The following COL1A2 variants were observed in gnomAD, a reference collection of about 807,000 sequenced individuals.
The protein encoded by COL1A2 is collagen type I alpha 2 chain.
COL1A2 carries 49 observed loss-of-function variants against 174.3 expected under a neutral mutation model. The observed-to-expected ratio is 0.28, with a 90% CI of 0.22 to 0.36. COL1A2 has a LOEUF of 0.36. Ranked by LOEUF, COL1A2 falls within the 10% of genes least tolerant of loss-of-function variation. The pLI, the probability that COL1A2 is intolerant of heterozygous loss-of-function variation, is 1.00. For missense variants in COL1A2, 1,438 were observed against 1,822.7 expected, an observed-to-expected ratio of 0.79 and a Z score of 3.84; for synonymous variants, 655 against 606.6, an observed-to-expected ratio of 1.08 and a Z score of -1.17.
chr7:94,397,556 C>A (rs1333910236), intron 1 of COL1A2, among the ~76,000 whole-genome samples, 192 bp from the exon 2 acceptor site: 3 of 151,876 alleles, frequency 2.0e-5, no homozygotes, highest in African/African-American at 7.2e-5. Flanking sequence ...AAACAAATCA[C>A]CCTGCTGATC....
At chr7:94,408,927 A>T (rs1238266915) in intron 16 of COL1A2, 104 bp downstream of exon 16, 2 of 1,077,602 alleles carry the variant, frequency 1.9e-6, no homozygotes, top group Non-Finnish European at 1.4e-6. Context: ...CGAAACAGTT[A>T]CCTTAATTAT....
At chr7:94,401,518 C>T (rs1400997968) in intron 5 of COL1A2, 49 bp from the exon 6 acceptor site, 1 of 916,980 alleles carries the variant, frequency 1.1e-6, no homozygotes, top group African/African-American at 1.8e-5. Context: ...TGACTAGTAA[C>T]TAAAAATATT....
At chr7:94,415,449 G>A (rs1376964576) in intron 30 of COL1A2, among the ~76,000 whole-genome samples, 179 bp downstream of exon 30, 1 of 152,010 alleles carries the variant, frequency 6.6e-6, no homozygotes, top group African/African-American at 2.4e-5. Context: ...TTGTTTCATT[G>A]CTCATATTTC....
intron 28 of COL1A2, 91 bp from the exon 29 acceptor site, chr7:94,414,131 T>C (rs1250635301): frequency 1.4e-6 from 2 of 1,416,310 alleles, no homozygotes; most frequent in African/African-American, 1.4e-5. Context: ...CTCATGTTGA[T>C]ATTTGGTAGC....
chr7:94,406,888 C>G (rs1032493906), intron 12 of COL1A2, among the ~76,000 whole-genome samples: 2 of 152,120 alleles, frequency 1.3e-5, no homozygotes, highest in Non-Finnish European at 2.9e-5. Context: ...TGAATACCAA[C>G]GTAATTACAA....
intron 32 of COL1A2, among the ~76,000 whole-genome samples, chr7:94,418,275 A>G (rs951626489): frequency 2.6e-5 from 4 of 152,194 alleles, no homozygotes; most frequent in African/African-American, 9.7e-5. Context: ...GAAATTAGAA[A>G]AGATTGTTTA....
intron 15 of COL1A2, 75 bp from the exon 16 acceptor site, chr7:94,408,695 C>T (rs2115889877): frequency 6.6e-7 from 1 of 1,515,638 alleles, no homozygotes. Flanking sequence ...TAAGCAACTT[C>T]AATCTTCTGC....
chr7:94,420,258 C>G lies in COL1A2; in HGVS notation c.2105C>G (p.Ala702Gly). Residue 702 changes from alanine (A) to glycine (G), a missense_variant, in exon 35 of 52, where the codon GCT (alanine) becomes GGT (glycine). Transcript: ENST00000297268. ...GGCGAAGCTGGGGCTGCTGGTCCTG[C>G]TGGTCCTGCTGGTCCTCGGGGAAGC... ...DRGEAGAAGP[A>G]GPAGPRGSPG... is the part of the protein sequence containing the mutation. The G allele has an allele frequency of 6.2e-7, 1 of 1,613,800 alleles. No homozygotes were observed. Among genetic ancestry groups the G allele is most frequent in the Non-Finnish European group, 8.5e-7 (1 of 1,180,034 alleles).
At chr7:94,409,235 G>A in intron 16 of COL1A2, 87 bp from the exon 17 acceptor site, 2 of 1,163,406 alleles carry the variant, frequency 1.7e-6, no homozygotes, top group Non-Finnish European at 2.6e-6. Context: ...GTTTTATGAA[G>A]ACATTTCATA....
chr7:94,418,421 A>C, intron 32 of COL1A2, 78 bp from the exon 33 acceptor site: 1 of 1,281,884 alleles, frequency 7.8e-7, no homozygotes, highest in Non-Finnish European at 1.1e-6. Context: ...TTCTGTAAAA[A>C]AGAAAAAAAC....
rs561107972 is a variant in COL1A2, at chr7:94,420,111, G to A, written c.2080-122G>A. ...CTTCATTTTACTCTGTGAGATGTGC[G>A]TCAGTTATCTCTTCCAAGGCAACTA... On this transcript the variant is annotated intron_variant, in intron 34 of 51. Coordinates refer to ENST00000297268, the MANE Select transcript of COL1A2 (RefSeq NM_000089.4). 9.8e-5 allele frequency: 122 copies of A among 1,245,666 alleles called. 1 individual carries two copies. The highest frequency in any genetic ancestry group is 2.9e-4 in the South Asian group (24 of 83,454). 77.2% of individuals were successfully genotyped at this position (1,245,666 alleles called of 1,614,324 possible).
rs1792333471 is a variant in COL1A2 at position 94,428,463 on chromosome 7, A to G, written c.3697A>G (p.Asn1233Asp). 1 of 1,613,788 alleles carries G rather than the reference A, an allele frequency of 6.2e-7. No homozygotes were observed. Among genetic ancestry groups the G allele is most frequent in the African/African-American group, 1.3e-5 (1 of 74,928 alleles). Residue 1233 changes from asparagine to aspartate, a missense_variant, in exon 50 of 52, where the codon AAT becomes GAT. This residue lies in a region of COL1A2 where 290 missense variants were observed against 298.1 expected (regional missense o/e 0.97). Coordinates refer to ENST00000297268, the MANE Select transcript of COL1A2 (RefSeq NM_000089.4). ...ACACGTCTGGCTAGGAGAAACTATC[A>G]ATGCTGGCAGCCAGGTGAGGAATCC... ...KKHVWLGETI[N>D]AGSQFEYNVE... is the part of the protein sequence containing the mutation.
At chr7:94,420,488 T>C in intron 36 of COL1A2, 44 bp downstream of exon 36, 1 of 1,614,046 alleles carries the variant, frequency 6.2e-7, no homozygotes, top group Non-Finnish European at 8.5e-7. Flanking sequence ...CATCCTAAGT[T>C]GGGGAGTAGA....
chr7:94,427,403 A>C lies in COL1A2; in HGVS notation c.3267+108A>C. The C allele has an allele frequency of 2.6e-6, 3 of 1,158,298 alleles. No individual in the cohort carries two copies. The South Asian group carries it at 3.9e-5, about 15-fold the overall frequency. The allele number at this position is 1,158,298 out of a possible 1,614,324, so 71.8% of individuals were successfully genotyped here. A position where few individuals can be genotyped will look rare whatever the true frequency, so the allele number is the denominator to read the frequency against. ...AACCCATTAAAGTTAGCCCCATTTCAATATATCCTCTAAAATATCTGGAAA... is the reference window on the plus strand; with the variant it reads ...AACCCATTAAAGTTAGCCCCATTTCCATATATCCTCTAAAATATCTGGAAA... On this transcript the variant is annotated intron_variant, in intron 48 of 51. Transcript: ENST00000297268.
At chr7:94,421,156 C>A in intron 38 of COL1A2, 94 bp downstream of exon 38, 1 of 1,277,752 alleles carries the variant, frequency 7.8e-7, no homozygotes, top group Non-Finnish European at 1.1e-6. Context: ...ATTTGGACTA[C>A]CATGAGGAAA....
intron 41 of COL1A2, 67 bp from the exon 42 acceptor site, chr7:94,425,050 T>G: frequency 1.4e-6 from 2 of 1,409,538 alleles, no homozygotes; most frequent in Non-Finnish European, 1.0e-6. Flanking sequence ...GTAGGGTTGT[T>G]TTGGAGGGGA....
In COL1A2 at chr7:94,412,236, C is replaced by G. The variant is rs148824193; in HGVS notation, c.1404+115C>G. On this transcript the variant is annotated intron_variant, in intron 24 of 51. Transcript: ENST00000297268. ...ATTGAAAATAAATATCAGACACATA[C>G]ATCATCTGGGAATGCAGAGTAATAG... 4.5e-6 allele frequency: 4 copies of G among 895,864 alleles called. No individual in the cohort carries two copies. In the African/African-American group the frequency reaches 6.6e-5, roughly 15 times the overall value. 55.5% of individuals were successfully genotyped at this position (895,864 alleles called of 1,614,324 possible).
chr7:94,426,388 C>T (rs763028282), intron 45 of COL1A2, 35 bp from the exon 46 acceptor site: 16 of 1,534,762 alleles, frequency 1.0e-5, no homozygotes, highest in Admixed American at 7.7e-5. Context: ...TTTTTTAAAA[C>T]GGTAAGTCTT....
At chr7:94,404,987 C>T in intron 9 of COL1A2, 95 bp downstream of exon 9, 1 of 1,371,816 alleles carries the variant, frequency 7.3e-7, no homozygotes, top group African/African-American at 1.4e-5. Context: ...CTGCCAAAAG[C>T]TGAATATGCC....
Sources: gnomAD v4.1 joint callset for allele counts (sites outside exome capture counted in the v4.1 genomes callset) on GRCh38, gnomAD v4.1.1 for gene constraint, gnomAD v4.1.1 regional missense constraint, MANE v1.5 for transcripts, NCBI Gene and HGNC (gene_info 2026-07-23, HGNC 2026-07-21) for gene names.